Variants in GSG1L observed in about 807,000 individuals in gnomAD.
GSG1L encodes germ cell-specific gene 1-like protein.
GSG1L carries 24 observed loss-of-function variants against 42.1 expected under a neutral mutation model. The observed-to-expected ratio is 0.57, with a 90% CI of 0.41 to 0.80. The LOEUF is 0.80. Ranked by LOEUF, GSG1L falls within the 30% of genes least tolerant of loss-of-function variation. GSG1L has a pLI of 0.00. For missense variants in GSG1L, 445 were observed against 472.2 expected, an observed-to-expected ratio of 0.94 and a Z score of 0.53; for synonymous variants, 215 against 203.5, an observed-to-expected ratio of 1.06 and a Z score of -0.48.
At chr16:27,825,529 C>T (rs981742512) in intron 5 of GSG1L, among the ~76,000 whole-genome samples, 1 of 152,182 alleles carries the variant, frequency 6.6e-6, no homozygotes, top group Non-Finnish European at 1.5e-5. Flanking sequence ...AAAAAATTAG[C>T]CAGTCATGGT....
chr16:27,892,010 T>A (rs2084133807), intron 2 of GSG1L, among the ~76,000 whole-genome samples: 1 of 149,698 alleles, frequency 6.7e-6, no homozygotes, highest in Non-Finnish European at 1.5e-5. Flanking sequence ...CCTGGGCACT[T>A]GTGGTGCAAA....
At chr16:27,839,224 C>T (rs2083352280) in intron 4 of GSG1L, among the ~76,000 whole-genome samples, 1 of 152,190 alleles carries the variant, frequency 6.6e-6, no homozygotes, top group African/African-American at 2.4e-5. Context: ...AGAAAGGGGC[C>T]ACTAGGACAG....
chr16:27,878,198 T>C (rs905784548), intron 3 of GSG1L, among the ~76,000 whole-genome samples: 1 of 152,118 alleles, frequency 6.6e-6, no homozygotes, highest in Non-Finnish European at 1.5e-5. Flanking sequence ...AGCTGTGTAT[T>C]AGTCCATTCT....
intron 2 of GSG1L, among the ~76,000 whole-genome samples, chr16:27,911,863 C>T (rs148956175): frequency 6.6e-6 from 1 of 152,304 alleles, no homozygotes; most frequent in East Asian, 1.9e-4. Flanking sequence ...TCTAATAATA[C>T]CATGTGACTG....
At chr16:27,980,434 G>C (rs1211111223) in intron 1 of GSG1L, among the ~76,000 whole-genome samples, 3 of 152,186 alleles carry the variant, frequency 2.0e-5, no homozygotes, top group Non-Finnish European at 4.4e-5. Context: ...AGAGGCAGTA[G>C]CAACAGTTTC....
Position 28,042,950 on chromosome 16 carries a change from C to T in GSG1L, c.349+20126G>A, listed in dbSNP as rs1006051146. Among the ~76,000 whole-genome samples, 3 of 152,090 alleles carry T rather than the reference C, an allele frequency of 2.0e-5. No homozygotes were observed. In the South Asian group the frequency reaches 6.2e-4, roughly 32 times the overall value. On this transcript the variant is annotated intron_variant, in intron 1 of 6. Coordinates refer to ENST00000447459, the MANE Select transcript of GSG1L (RefSeq NM_001109763.2). ...GCTGAAAAGGAGCTAAAAATGCAAA[C>T]GCAGAGCGAAAATACACATTTGAAG...
chr16:28,060,325 T>C (rs1341186360), intron 1 of GSG1L, among the ~76,000 whole-genome samples: 1 of 152,076 alleles, frequency 6.6e-6, no homozygotes, highest in Non-Finnish European at 1.5e-5. Context: ...ACCACCGTGG[T>C]GGAGAAGGCA....
At chr16:27,887,162 C>T (rs1833775) in intron 2 of GSG1L, among the ~76,000 whole-genome samples, 24,442 of 151,842 alleles carry the variant, frequency 0.16, 3,160 homozygotes, top group African/African-American at 0.33. Context: ...CACCATGTTG[C>T]GCCGGCTGGT....
chr16:27,977,475 G>T (rs375078395), intron 1 of GSG1L, among the ~76,000 whole-genome samples: 1 of 147,946 alleles, frequency 6.8e-6, no homozygotes, highest in Admixed American at 7.0e-5. Context: ...CACAAGAATC[G>T]CTGAAACCTG....
chr16:27,890,392 G>A (rs377316475), intron 2 of GSG1L, among the ~76,000 whole-genome samples: 6 of 152,200 alleles, frequency 3.9e-5, no homozygotes, highest in African/African-American at 1.4e-4. Flanking sequence ...GAGGGGCTTA[G>A]CCAGGGAACT....
chr16:28,060,689 C>T (rs1439184350), intron 1 of GSG1L, among the ~76,000 whole-genome samples: 1 of 152,064 alleles, frequency 6.6e-6, no homozygotes, highest in Non-Finnish European at 1.5e-5. Context: ...AGCTCCCTTG[C>T]CAGAATCCCC....
intron 6 of GSG1L, among the ~76,000 whole-genome samples, chr16:27,797,731 A>T (rs897359797): frequency 4.7e-5 from 7 of 147,958 alleles, no homozygotes; most frequent in Non-Finnish European, 1.0e-4. Context: ...CTGAGGCAGG[A>T]GAATGGTGTT....
intron 2 of GSG1L, among the ~76,000 whole-genome samples, chr16:27,947,340 G>T (rs950362522): frequency 4.2e-5 from 6 of 143,612 alleles, no homozygotes; most frequent in African/African-American, 1.5e-4. Context: ...GAAAAAAGGA[G>T]AAGAAAGAAG....
At chr16:27,814,979 G>A (rs138973436) in intron 5 of GSG1L, among the ~76,000 whole-genome samples, 102 of 151,104 alleles carry the variant, frequency 6.8e-4, no homozygotes, top group Non-Finnish European at 1.2e-3. Context: ...ACCCAGGCTT[G>A]TGTGCAGTGG....
At chr16:27,970,535 G>A (rs1248271230) in intron 1 of GSG1L, among the ~76,000 whole-genome samples, 1 of 151,530 alleles carries the variant, frequency 6.6e-6, no homozygotes, top group Non-Finnish European at 1.5e-5. Context: ...CCACGCCATT[G>A]CACTCCAGCC....
At chr16:27,882,831 C>T (rs1358453585) in intron 3 of GSG1L, among the ~76,000 whole-genome samples, 4 of 152,146 alleles carry the variant, frequency 2.6e-5, no homozygotes, top group Non-Finnish European at 4.4e-5. Flanking sequence ...CTTGGCCAGA[C>T]GTGGTGGCTC....
intron 5 of GSG1L, among the ~76,000 whole-genome samples, chr16:27,825,823 T>C (rs1010115652): frequency 2.6e-5 from 4 of 152,210 alleles, no homozygotes; most frequent in African/African-American, 9.6e-5. Context: ...TTTTCTCCAC[T>C]TTGCTCGGCA....
intron 1 of GSG1L, among the ~76,000 whole-genome samples, chr16:27,996,215 C>T (rs902459974): frequency 1.3e-5 from 2 of 152,094 alleles, no homozygotes; most frequent in East Asian, 1.9e-4. Context: ...ACTTGTAGAA[C>T]CCATATCTGA....
chr16:27,800,707 T>A (rs533722651), intron 6 of GSG1L, among the ~76,000 whole-genome samples: 1 of 152,164 alleles, frequency 6.6e-6, no homozygotes, highest in African/African-American at 2.4e-5. Flanking sequence ...CAGAAGTTTA[T>A]GTAATTGCTA....
Sources: gnomAD v4.1 joint callset for allele counts (sites outside exome capture counted in the v4.1 genomes callset) on GRCh38, gnomAD v4.1.1 for gene constraint, MANE v1.5 for transcripts, NCBI Gene and HGNC (gene_info 2026-07-23, HGNC 2026-07-21) for gene names.